Variants in HDAC9 observed in about 807,000 individuals in gnomAD.
HDAC9 encodes the protein histone deacetylase 9, also known as MEF-2 interacting transcription repressor (MITR) protein.
HDAC9 carries 41 observed loss-of-function variants against 139.4 expected under a neutral mutation model. That is an observed-to-expected ratio of 0.29 (90% CI 0.23 to 0.38). HDAC9 has a LOEUF of 0.38. HDAC9 is among the 10% of genes least tolerant of loss of function. The probability of loss-of-function intolerance (pLI) is 1.00; values close to 1 mark genes in which losing one functional copy is unlikely to be tolerated. For missense variants in HDAC9, 1,147 were observed against 1,297.0 expected, an observed-to-expected ratio of 0.88 and a Z score of 1.78; for synonymous variants, 517 against 476.2, an observed-to-expected ratio of 1.09 and a Z score of -1.12.
intron 12 of HDAC9, among the ~76,000 whole-genome samples, chr7:18,696,386 T>C (rs1388050379): frequency 1.4e-5 from 2 of 147,410 alleles, no homozygotes; most frequent in African/African-American, 4.9e-5. Flanking sequence ...TATAATAACA[T>C]ATTATACTAT....
intron 17 of HDAC9, among the ~76,000 whole-genome samples, chr7:18,820,680 C>T (rs1794896725): frequency 6.6e-6 from 1 of 152,076 alleles, no homozygotes; most frequent in South Asian, 2.1e-4. Flanking sequence ...ATTTTATCAT[C>T]CTTTACTGGC....
chr7:18,255,785 C>T (rs150681199), intron 2 of HDAC9, among the ~76,000 whole-genome samples: 3 of 151,886 alleles, frequency 2.0e-5, no homozygotes, highest in South Asian at 2.1e-4. Flanking sequence ...CGCACCATCA[C>T]GCCCAGCTAA....
At chr7:18,444,698 A>T (rs1792130255) in intron 1 of HDAC9, among the ~76,000 whole-genome samples, 1 of 152,290 alleles carries the variant, frequency 6.6e-6, no homozygotes, top group Middle Eastern at 3.4e-3. Flanking sequence ...AGGAGGCATG[A>T]ATACCGAAAT....
intron 1 of HDAC9, among the ~76,000 whole-genome samples, chr7:18,480,900 A>G (rs1037023787): frequency 1.3e-5 from 2 of 152,180 alleles, no homozygotes; most frequent in African/African-American, 4.8e-5. Context: ...AAAAACTAGT[A>G]TCTGCATCCA....
At chr7:18,152,771 A>G (rs1368462454) in intron 1 of HDAC9, among the ~76,000 whole-genome samples, 1 of 152,250 alleles carries the variant, frequency 6.6e-6, no homozygotes, top group African/African-American at 2.4e-5. Flanking sequence ...ACAAGGTTCC[A>G]TAGCATGAAC....
chr7:18,694,510 C>T (rs1450196921), intron 12 of HDAC9, among the ~76,000 whole-genome samples: 5 of 152,230 alleles, frequency 3.3e-5, no homozygotes, highest in Non-Finnish European at 7.4e-5. Context: ...GGTTTATCTC[C>T]AAAGTTCATT....
At chr7:18,278,241 C>A (rs1796874256) in intron 2 of HDAC9, among the ~76,000 whole-genome samples, 2 of 152,186 alleles carry the variant, frequency 1.3e-5, no homozygotes, top group South Asian at 4.1e-4. Flanking sequence ...AATGGGTACT[C>A]AGTGACTTTA....
At chr7:18,396,053 G>C (rs1327970371) in intron 1 of HDAC9, among the ~76,000 whole-genome samples, 5 of 137,898 alleles carry the variant, frequency 3.6e-5, no homozygotes, top group Non-Finnish European at 8.0e-5. Flanking sequence ...TGAGTAGATT[G>C]TCCTGCCAAT....
intron 2 of HDAC9, among the ~76,000 whole-genome samples, chr7:18,220,166 C>T (rs1792596906): frequency 6.6e-6 from 1 of 152,036 alleles, no homozygotes; most frequent in Non-Finnish European, 1.5e-5. Flanking sequence ...ATGAAAAATT[C>T]AGTGATTTGT....
intron 17 of HDAC9, among the ~76,000 whole-genome samples, chr7:18,796,927 T>A (rs773496980): frequency 6.6e-6 from 1 of 152,188 alleles, no homozygotes; most frequent in Non-Finnish European, 1.5e-5. Context: ...TCTGGACATA[T>A]TTATCAAAAC....
rs138993897 is a variant in HDAC9 at position 18,684,754 on chromosome 7, C to T, written c.1731+18278C>T. On this transcript the variant is annotated intron_variant, in intron 12 of 25. Transcript: ENST00000686413. The stretch of plus-strand genomic sequence containing the variant: ...TTGGTTTATGAAGTAACCCCCTACA[C>T]ACAATATATATACACATATATTTAT... Among the ~76,000 whole-genome samples, 621 of 152,076 alleles carry T rather than the reference C, an allele frequency of 4.1e-3. 3 individuals are homozygous for T. Among genetic ancestry groups the T allele is most frequent in the Middle Eastern group, 0.031 (9 of 294 alleles).
intron 1 of HDAC9, among the ~76,000 whole-genome samples, chr7:18,432,813 T>A (rs547976971): frequency 2.8e-4 from 43 of 152,112 alleles, no homozygotes; most frequent in African/African-American, 8.4e-4. Flanking sequence ...TAGCTGGGCA[T>A]GGTGGCAGGT....
At chr7:18,688,316 A>C (rs977596568) in intron 12 of HDAC9, among the ~76,000 whole-genome samples, 4 of 151,810 alleles carry the variant, frequency 2.6e-5, no homozygotes, top group Admixed American at 6.6e-5. Flanking sequence ...TTGACTGCTG[A>C]CACCGGGAAT....
At chr7:18,561,103 T>G (rs546856229) in intron 2 of HDAC9, among the ~76,000 whole-genome samples, 18 of 152,226 alleles carry the variant, frequency 1.2e-4, no homozygotes, top group African/African-American at 4.3e-4. Flanking sequence ...CACTTTCAAG[T>G]GATTAGAATA....
chr7:18,656,473 C>T (rs1791218710), intron 11 of HDAC9, among the ~76,000 whole-genome samples: 1 of 152,030 alleles, frequency 6.6e-6, no homozygotes, highest in South Asian at 2.1e-4. Context: ...AAATGCATAG[C>T]TCACATGAAT....
At chr7:18,107,078 C>A (rs1384006036) in intron 1 of HDAC9, among the ~76,000 whole-genome samples, 1 of 152,100 alleles carries the variant, frequency 6.6e-6, no homozygotes, top group Non-Finnish European at 1.5e-5. Context: ...ACTGGGTATG[C>A]AACTATGATA....
At chr7:18,189,250 A>G (rs1299513287) in intron 2 of HDAC9, among the ~76,000 whole-genome samples, 1 of 151,346 alleles carries the variant, frequency 6.6e-6, no homozygotes, top group African/African-American at 2.4e-5. Context: ...GGAACAGAAA[A>G]CCAAACACCG....
intron 17 of HDAC9, among the ~76,000 whole-genome samples, chr7:18,825,086 A>G (rs369123520): frequency 1.1e-3 from 160 of 152,332 alleles, no homozygotes; most frequent in Middle Eastern, 6.8e-3. Flanking sequence ...TGATTTTGGT[A>G]TAGAGTTTCA....
chr7:18,382,192 A>G (rs1358419011), intron 1 of HDAC9, among the ~76,000 whole-genome samples: 1 of 152,182 alleles, frequency 6.6e-6, no homozygotes, highest in South Asian at 2.1e-4. Context: ...AGATAAGACA[A>G]AATAAAACAA....
Sources: gnomAD v4.1 joint callset for allele counts (sites outside exome capture counted in the v4.1 genomes callset) on GRCh38, gnomAD v4.1.1 for gene constraint, MANE v1.5 for transcripts, NCBI Gene and HGNC (gene_info 2026-07-23, HGNC 2026-07-21) for gene names.